Variants in NEK1 observed in about 807,000 individuals in gnomAD.
The protein encoded by NEK1 is NIMA related kinase 1.
A neutral mutation model predicts 182.1 loss-of-function variants in NEK1; 137 were observed. The observed-to-expected ratio is 0.75, with a 90% CI of 0.65 to 0.87. NEK1 has a LOEUF of 0.87. Ranked by LOEUF, NEK1 falls within the 40% of genes least tolerant of loss-of-function variation. NEK1 has a pLI of 0.00. For missense variants in NEK1, 1,391 were observed against 1,494.4 expected, an observed-to-expected ratio of 0.93 and a Z score of 1.14; for synonymous variants, 513 against 492.2, an observed-to-expected ratio of 1.04 and a Z score of -0.56.
chr4:169,537,703 C>T (rs1758726927), intron 19 of NEK1, 106 bp downstream of exon 19: 3 of 851,826 alleles, frequency 3.5e-6, no homozygotes, highest in Non-Finnish European at 6.0e-6. Flanking sequence ...TCTTATTATG[C>T]CTAGATTGTT....
intron 23 of NEK1, among the ~76,000 whole-genome samples, chr4:169,503,975 C>T (rs1179706215): frequency 6.6e-6 from 1 of 152,126 alleles, no homozygotes; most frequent in Admixed American, 6.6e-5. Flanking sequence ...GCAAACTACC[C>T]ATCTGACAAG....
chr4:169,537,697 A>AAG, intron 19 of NEK1, 112 bp downstream of exon 19: 2 of 818,962 alleles, frequency 2.4e-6, no homozygotes, highest in Non-Finnish European at 4.2e-6. Flanking sequence ...ACTGCCTCTT[A>AAG]TTATGCCTAG....
chr4:169,400,880 T>A (rs1731555762), intron 33 of NEK1, among the ~76,000 whole-genome samples: 1 of 149,662 alleles, frequency 6.7e-6, no homozygotes, highest in Non-Finnish European at 1.5e-5. Context: ...AAAAAATAAA[T>A]CAGGTTGGAA....
chr4:169,481,399 T>C (rs1580060652), intron 23 of NEK1, among the ~76,000 whole-genome samples: 5 of 152,340 alleles, frequency 3.3e-5, no homozygotes, highest in Admixed American at 2.0e-4. Context: ...CCATTATCTA[T>C]GGCTACAGCC....
At chr4:169,529,539 C>T (rs1277861729) in intron 19 of NEK1, among the ~76,000 whole-genome samples, 2 of 152,054 alleles carry the variant, frequency 1.3e-5, no homozygotes, top group East Asian at 3.9e-4. Flanking sequence ...TTAGACATAA[C>T]ACGAAAAGCA....
At chr4:169,490,975 C>G (rs903929867) in intron 23 of NEK1, among the ~76,000 whole-genome samples, 17 of 151,922 alleles carry the variant, frequency 1.1e-4, no homozygotes, top group African/African-American at 3.6e-4. Context: ...AGCCCTGTCT[C>G]TACTAAAAAT....
intron 27 of NEK1, among the ~76,000 whole-genome samples, chr4:169,458,128 G>T (rs1318872957): frequency 2.6e-5 from 4 of 152,060 alleles, no homozygotes; most frequent in African/African-American, 7.2e-5. Flanking sequence ...AAAGTTGGGG[G>T]ACTGACACTA....
rs1767914374 is a variant in NEK1, at chr4:169,588,631, G to T, written c.551+18C>A. The T allele has an allele frequency of 7.0e-6, 10 of 1,422,656 alleles. No individual in the cohort carries two copies. Among genetic ancestry groups the T allele is most frequent in the Non-Finnish European group, 9.7e-6 (10 of 1,032,758 alleles). The allele number at this position is 1,422,656 out of a possible 1,614,324, so 88.1% of individuals were successfully genotyped here. A position where few individuals can be genotyped will look rare whatever the true frequency, so the allele number is the denominator to read the frequency against. On this transcript the variant is annotated intron_variant, in intron 8 of 35. Coordinates refer to ENST00000507142, the MANE Select transcript of NEK1 (RefSeq NM_001199397.3). Reference sequence around the variant, plus strand: ...ATTGAAAGCAAATACATCACATAATGAATATCATTTTAAATACCTTTTATT... The same window carrying T: ...ATTGAAAGCAAATACATCACATAATTAATATCATTTTAAATACCTTTTATT...
At chr4:169,598,251 A>G (rs928724958) in intron 5 of NEK1, among the ~76,000 whole-genome samples, 1 of 152,194 alleles carries the variant, frequency 6.6e-6, no homozygotes, top group Non-Finnish European at 1.5e-5. Context: ...TTATAAATTG[A>G]AAAAACTTAT....
intron 23 of NEK1, among the ~76,000 whole-genome samples, chr4:169,501,913 A>C (rs1752486527): frequency 6.6e-6 from 1 of 152,124 alleles, no homozygotes; most frequent in Admixed American, 6.5e-5. Flanking sequence ...AGCGGAATTA[A>C]ATTAAATTGA....
intron 19 of NEK1, among the ~76,000 whole-genome samples, chr4:169,516,279 T>C (rs1755218037): frequency 8.6e-6 from 1 of 116,222 alleles, no homozygotes; most frequent in African/African-American, 4.5e-5. Context: ...CTTCATGTGT[T>C]TTTTGGCTGC....
At chr4:169,572,106 C>T (rs898750878) in intron 12 of NEK1, among the ~76,000 whole-genome samples, 12 of 151,872 alleles carry the variant, frequency 7.9e-5, no homozygotes, top group African/African-American at 1.2e-4. Flanking sequence ...GAGAGTGTAA[C>T]GATCTGACTT....
chr4:169,546,676 A>C (rs1456824988), intron 18 of NEK1, among the ~76,000 whole-genome samples: 1 of 152,200 alleles, frequency 6.6e-6, no homozygotes, highest in Non-Finnish European at 1.5e-5. Context: ...GGGTACGTAT[A>C]TATTTAGGAT....
chr4:169,470,385 G>C (rs1745732862), intron 26 of NEK1, among the ~76,000 whole-genome samples: 1 of 152,126 alleles, frequency 6.6e-6, no homozygotes, highest in South Asian at 2.1e-4. Context: ...ATGAAGCTTA[G>C]TTTGACTGCA....
At chr4:169,430,679 G>A (rs1311212332) in intron 29 of NEK1, among the ~76,000 whole-genome samples, 1 of 152,164 alleles carries the variant, frequency 6.6e-6, no homozygotes. Context: ...GTGAATCCAT[G>A]TCATTACACA....
chr4:169,610,916 AG>A (rs1772219265), intron 2 of NEK1, among the ~76,000 whole-genome samples: 1 of 152,232 alleles, frequency 6.6e-6, no homozygotes. Flanking sequence ...GAATAGTGGG[AG>A]GGGATCCATT....
Position 169,545,053 on chromosome 4 carries a change from CT to C in NEK1, c.1563-7143del, listed in dbSNP as rs200190997. On this transcript the variant is annotated intron_variant, in intron 18 of 35. Coordinates refer to ENST00000507142, the MANE Select transcript of NEK1 (RefSeq NM_001199397.3). ...TTTGTTTGCTCTTGCTTCTCTGATT[CT>C]TTTTTTTTTTTTTTATACTTTAAGT... Among the ~76,000 whole-genome samples the C allele has an allele frequency of 3.9e-3, 531 of 137,856 alleles. 2 individuals are homozygous for C. The highest frequency in any genetic ancestry group is 5.9e-3 in the East Asian group (28 of 4,714). The allele number at this position is 137,856 out of a possible 152,430, so 90.4% of individuals were successfully genotyped here.
intron 16 of NEK1, among the ~76,000 whole-genome samples, chr4:169,557,937 T>C (rs936232443): frequency 6.6e-6 from 1 of 151,828 alleles, no homozygotes; most frequent in African/African-American, 2.4e-5. Flanking sequence ...TCTCAAAAAA[T>C]AAGTAAATAA....
At chr4:169,496,175 G>A (rs1473012637) in intron 23 of NEK1, among the ~76,000 whole-genome samples, 2 of 152,088 alleles carry the variant, frequency 1.3e-5, no homozygotes, top group Non-Finnish European at 2.9e-5. Flanking sequence ...ATTGTGAATG[G>A]GAGTTCACTC....
Sources: gnomAD v4.1 joint callset for allele counts (sites outside exome capture counted in the v4.1 genomes callset) on GRCh38, gnomAD v4.1.1 for gene constraint, MANE v1.5 for transcripts, NCBI Gene and HGNC (gene_info 2026-07-23, HGNC 2026-07-21) for gene names.